The following PRH1 variants were observed in gnomAD, a reference collection of about 807,000 sequenced individuals.
The protein encoded by PRH1 is proline rich protein HaeIII subfamily 1.
Under a neutral mutation model 7.9 loss-of-function variants are expected in PRH1, and 7 were observed. The ratio of observed to expected loss-of-function variants is 0.89; its 90% CI spans 0.50 to 1.67. The LOEUF (loss-of-function observed/expected upper bound fraction) is 1.67, where lower values mean the gene tolerates loss of function less well. Ranked by LOEUF, PRH1 falls within the 40% of genes most tolerant of loss-of-function variation. The pLI, the probability that PRH1 is intolerant of heterozygous loss-of-function variation, is 0.00. For missense variants in PRH1, 109 were observed against 223.6 expected (o/e 0.49, Z 3.27); for synonymous variants, 45 against 80.8 (o/e 0.56, Z 2.38).
rs754985439 is a variant in PRH1, at chr12:11,091,690, G to A, written n.124-44502C>T. The A allele has an allele frequency of 4.8e-6, 6 of 1,256,472 alleles. 1 individual carries two copies. Among genetic ancestry groups the A allele is most frequent in the Non-Finnish European group, 6.8e-6 (6 of 886,348 alleles). The allele number at this position is 1,256,472 out of a possible 1,614,324, so 77.8% of individuals were successfully genotyped here. On this transcript the variant is annotated intron_variant and non_coding_transcript_variant, in intron 1 of 4. Coordinates refer to the PRH1 transcript ENST00000541977. ...TGAAGGGTACTAAGTTTGCTACCAT[G>A]GTTACAGTCATATTTGAAAAGTACA...
intron 1 of PRH1, among the ~76,000 whole-genome samples, chr12:11,035,377 T>C (rs1942394469): frequency 6.6e-6 from 1 of 152,326 alleles, no homozygotes; most frequent in South Asian, 2.1e-4. Context: ...TTCTGGGTAG[T>C]TATCTTCAAA....
chr12:10,976,754 A>G (rs1196517393), intron 1 of PRH1, among the ~76,000 whole-genome samples: 5 of 152,180 alleles, frequency 3.3e-5, no homozygotes, highest in Admixed American at 6.5e-5. Flanking sequence ...ACCCCACTGA[A>G]ATGCAAACAA....
intron 2 of PRH1, chr12:10,894,845 T>C (rs1277381665): frequency 6.6e-6 from 1 of 152,266 alleles, no homozygotes; most frequent in East Asian, 1.9e-4. Context: ...TAGAACATAA[T>C]GAGAAAATAA....
chr12:11,124,564 T>C (rs1290668517), intron 1 of PRH1, among the ~76,000 whole-genome samples: 1 of 152,290 alleles, frequency 6.6e-6, no homozygotes, highest in Non-Finnish European at 1.5e-5. Context: ...ACTTTCTAAA[T>C]CTAAATGTAT....
intron 1 of PRH1, among the ~76,000 whole-genome samples, chr12:11,132,173 C>T (rs977474): frequency 0.75 from 113,432 of 152,126 alleles, 44,777 homozygotes; most frequent in East Asian, 0.96. Context: ...TAGAACTTCC[C>T]ATTAATGAAT....
chr12:10,972,938 C>CCCG (rs1555119340), intron 2 of PRH1, among the ~76,000 whole-genome samples: 1 of 127,446 alleles, frequency 7.8e-6, no homozygotes, highest in African/African-American at 2.9e-5. Flanking sequence ...ACCCACCCCC[C>CCCG]CCGCCCGCCC....
At chr12:10,939,195 T>G in intron 2 of PRH1, 1 of 1,570,786 alleles carries the variant, frequency 6.4e-7, no homozygotes, top group Non-Finnish European at 8.6e-7. Context: ...ATGCTCTTTA[T>G]GACACCACCC....
intron 1 of PRH1, among the ~76,000 whole-genome samples, chr12:11,033,876 A>AG (rs1942330197): frequency 6.6e-6 from 1 of 152,236 alleles, no homozygotes; most frequent in African/African-American, 2.4e-5. Context: ...GAAATACCAC[A>AG]GTGTATCATA....
chr12:11,145,270 C>A (rs1170616275), intron 1 of PRH1, among the ~76,000 whole-genome samples: 3 of 152,194 alleles, frequency 2.0e-5, no homozygotes, highest in Non-Finnish European at 2.9e-5. Context: ...CGGGTCACTG[C>A]AACCTCTGCC....
At chr12:11,010,191 G>A (rs11054163) in intron 1 of PRH1, among the ~76,000 whole-genome samples, 46,101 of 151,484 alleles carry the variant, frequency 0.3, 8,837 homozygotes, top group East Asian at 0.74. Flanking sequence ...CTTGAGCTTT[G>A]CTTTTACTAA....
rs117744545 is a variant in PRH1 at position 10,900,967 on chromosome 12, T to C, written c.-58-16692A>G. Among the ~76,000 whole-genome samples the C allele has an allele frequency of 2.7e-3, 407 of 152,286 alleles. 8 individuals carry two copies. In the South Asian group the frequency reaches 0.059, roughly 22 times the overall value. On this transcript the variant is annotated intron_variant, in intron 2 of 3. Coordinates refer to the PRH1 transcript ENST00000539853. ...TCTGCTCCACAGCCAGGCAGAACTCTAGATATCTGAAGCACCCATTCACCT... is the reference window on the plus strand; with the variant it reads ...TCTGCTCCACAGCCAGGCAGAACTCCAGATATCTGAAGCACCCATTCACCT...
rs113227974 is a variant in PRH1, at chr12:10,902,875, T to A, written c.-58-18600A>T. ...TCTTACAAGAGATCCTTAAGGGAGT[T>A]CTAAACATGAAAATCTGCTACCAAA... On this transcript the variant is annotated intron_variant, in intron 2 of 3. Coordinates refer to the PRH1 transcript ENST00000539853. 4.8e-3 allele frequency among the ~76,000 whole-genome samples: 725 copies of A among 152,210 alleles called. 7 individuals are homozygous for A. The highest frequency in any genetic ancestry group is 0.017 in the African/African-American group (696 of 41,552).
At chr12:11,111,750 A>G (rs1006645016) in intron 1 of PRH1, among the ~76,000 whole-genome samples, 1 of 152,206 alleles carries the variant, frequency 6.6e-6, no homozygotes, top group African/African-American at 2.4e-5. Flanking sequence ...GAACTGGAGA[A>G]GCAAGAGCAA....
chr12:11,068,912 A>G (rs1415055760), intron 1 of PRH1, among the ~76,000 whole-genome samples: 1 of 117,712 alleles, frequency 8.5e-6, no homozygotes, highest in Non-Finnish European at 2.0e-5. Flanking sequence ...TATTACTTCT[A>G]TTTTTCATTT....
intron 1 of PRH1, among the ~76,000 whole-genome samples, chr12:11,088,159 G>T (rs1356953092): frequency 4.8e-4 from 62 of 130,270 alleles, no homozygotes; most frequent in South Asian, 2.4e-3. Context: ...TGGGTAACAC[G>T]GTGAAATCCT....
At chr12:11,128,889 G>A (rs987736126) in intron 1 of PRH1, among the ~76,000 whole-genome samples, 3 of 144,982 alleles carry the variant, frequency 2.1e-5, no homozygotes, top group Non-Finnish European at 4.6e-5. Context: ...ATTTGATCCT[G>A]TTTCTCTTGA....
intron 1 of PRH1, among the ~76,000 whole-genome samples, chr12:11,072,943 T>C (rs1944139561): frequency 6.6e-6 from 1 of 151,898 alleles, no homozygotes; most frequent in Non-Finnish European, 1.5e-5. Context: ...TTATTAATAA[T>C]GTTACAGTAA....
At chr12:10,912,782 A>T (rs181511548) in intron 2 of PRH1, among the ~76,000 whole-genome samples, 1 of 152,150 alleles carries the variant, frequency 6.6e-6, no homozygotes, top group South Asian at 2.1e-4. Flanking sequence ...TTCCATTTAC[A>T]TAAAATTTTC....
chr12:11,140,569 G>T (rs1024323224), intron 1 of PRH1, among the ~76,000 whole-genome samples: 1 of 152,090 alleles, frequency 6.6e-6, no homozygotes, highest in Admixed American at 6.6e-5. Flanking sequence ...TGAAATCAAT[G>T]CTGTCTTTAT....
Sources: gnomAD v4.1 joint callset for allele counts (sites outside exome capture counted in the v4.1 genomes callset) on GRCh38, gnomAD v4.1.1 for gene constraint, MANE v1.5 for transcripts, NCBI Gene and HGNC (gene_info 2026-07-23, HGNC 2026-07-21) for gene names.